GABRA2: variants seen among roughly 807,000 people sequenced by gnomAD.
GABRA2 encodes gamma-aminobutyric acid receptor subunit alpha-2.
In GABRA2, 16 loss-of-function variants were observed where a neutral mutation model predicts 48.7. The ratio of observed to expected loss-of-function variants is 0.33; its 90% confidence interval spans 0.22 to 0.50. The LOEUF is 0.50. Ranked by LOEUF, GABRA2 falls within the 20% of genes least tolerant of loss-of-function variation. The pLI is 0.98. For synonymous variants in GABRA2, 185 were observed against 184.5 expected, an observed-to-expected ratio of 1.00 and a Z score of -0.02; for missense variants, 275 against 535.6, an observed-to-expected ratio of 0.51 and a Z score of 4.80.
intron 7 of GABRA2, among the ~76,000 whole-genome samples, chr4:46,304,613 G>A (rs546241797): frequency 6.6e-6 from 1 of 151,918 alleles, no homozygotes; most frequent in East Asian, 1.9e-4. Flanking sequence ...GAATAGGGGT[G>A]AAAAAATAGA....
intron 8 of GABRA2, among the ~76,000 whole-genome samples, chr4:46,297,105 T>C (rs1258508556): frequency 2.0e-5 from 3 of 152,024 alleles, no homozygotes; most frequent in African/African-American, 7.3e-5. Context: ...TAATACTGAG[T>C]GTCAACTTGA....
In GABRA2 at chr4:46,246,528, C is replaced by T. The variant is rs1467043410; in HGVS notation, c.*3780G>A. On this transcript the variant is annotated 3_prime_UTR_variant, in exon 10 of 10. Coordinates refer to ENST00000381620, the MANE Select transcript of GABRA2 (RefSeq NM_000807.4). ...ACTTTAAATTAATAAAAGGGAAGCA[C>T]GAGGTGCCTATGGGACCTCAATTAA... 3.3e-5 allele frequency among the ~76,000 whole-genome samples: 5 copies of T among 150,950 alleles called. No homozygotes were observed. The highest frequency in any genetic ancestry group is 6.6e-5 in the Admixed American group (1 of 15,080).
intron 9 of GABRA2, chr4:46,256,184 G>C (rs1351969389): frequency 4.7e-6 from 3 of 632,312 alleles, no homozygotes; most frequent in Non-Finnish European, 8.6e-6. Context: ...ACTGAGAAAA[G>C]TGATACTTAC....
intron 3 of GABRA2, among the ~76,000 whole-genome samples, chr4:46,346,641 T>A (rs1734193229): frequency 6.7e-6 from 1 of 149,242 alleles, no homozygotes; most frequent in Non-Finnish European, 1.5e-5. Context: ...ATATTTATTA[T>A]TGTAGTTTTC....
chr4:46,256,415 T>G (rs1241664440), intron 9 of GABRA2: 8 of 480,872 alleles, frequency 1.7e-5, no homozygotes, highest in Non-Finnish European at 2.6e-5. Context: ...TTGCGTTTAT[T>G]GGGAAAAATT....
At chr4:46,389,051 AC>A (rs1366768091) in intron 1 of GABRA2, 1 of 1,046,348 alleles carries the variant, frequency 9.6e-7, no homozygotes, top group Non-Finnish European at 1.2e-6. Context: ...TAATAATAAC[AC>A]CCTGGACTTT....
At chr4:46,271,506 A>G (rs567998408) in intron 8 of GABRA2, among the ~76,000 whole-genome samples, 25 of 151,978 alleles carry the variant, frequency 1.6e-4, no homozygotes, top group African/African-American at 5.3e-4. Context: ...ATACTGTAAA[A>G]GGTTATAATT....
chr4:46,274,327 T>C (rs1720073547), intron 8 of GABRA2, among the ~76,000 whole-genome samples: 2 of 152,202 alleles, frequency 1.3e-5, no homozygotes, highest in South Asian at 4.1e-4. Context: ...ACTGCTAAAT[T>C]ATATTGCTGA....
intron 9 of GABRA2, among the ~76,000 whole-genome samples, chr4:46,258,266 G>T (rs1294158211): frequency 6.6e-6 from 1 of 151,748 alleles, no homozygotes; most frequent in Non-Finnish European, 1.5e-5. Flanking sequence ...AACAAAAATG[G>T]TCATTGTCAT....
intron 7 of GABRA2, among the ~76,000 whole-genome samples, chr4:46,304,012 A>G (rs188636057): frequency 1.3e-5 from 2 of 152,208 alleles, no homozygotes; most frequent in African/African-American, 4.8e-5. Flanking sequence ...GCACTCAAAA[A>G]GGTTTTTTTG....
intron 8 of GABRA2, among the ~76,000 whole-genome samples, chr4:46,285,995 A>G (rs1722479702): frequency 6.6e-6 from 1 of 152,102 alleles, no homozygotes; most frequent in Non-Finnish European, 1.5e-5. Context: ...AACTTATAAA[A>G]TTCAATGCCA....
chr4:46,303,056 C>A (rs1415883453), intron 8 of GABRA2: 1 of 170,950 alleles, frequency 5.8e-6, no homozygotes, highest in Non-Finnish European at 1.2e-5. Context: ...TAAGGCAGGC[C>A]CCATGCCTTA....
chr4:46,266,191 C>A (rs981019355), intron 8 of GABRA2, among the ~76,000 whole-genome samples: 2 of 150,888 alleles, frequency 1.3e-5, no homozygotes, highest in East Asian at 3.9e-4. Flanking sequence ...TTCAAGTCTT[C>A]TACATTTTGC....
intron 9 of GABRA2, among the ~76,000 whole-genome samples, chr4:46,252,838 T>C (rs987258668): frequency 2.0e-5 from 3 of 151,498 alleles, no homozygotes; most frequent in Non-Finnish European, 4.4e-5. Context: ...CCTTAATGTT[T>C]TTCTTCAGCT....
intron 3 of GABRA2, among the ~76,000 whole-genome samples, chr4:46,362,389 C>A (rs1288478945): frequency 6.6e-6 from 1 of 152,132 alleles, no homozygotes; most frequent in African/African-American, 2.4e-5. Context: ...GCCTCCCCAG[C>A]CACGTGGAAC....
intron 8 of GABRA2, among the ~76,000 whole-genome samples, chr4:46,271,964 G>GT (rs1719423670): frequency 6.6e-6 from 1 of 151,762 alleles, no homozygotes. Context: ...TTGTTTACCT[G>GT]TTTTTTATTT....
intron 3 of GABRA2, among the ~76,000 whole-genome samples, chr4:46,378,085 G>T (rs1716189413): frequency 6.6e-6 from 1 of 152,036 alleles, no homozygotes; most frequent in South Asian, 2.1e-4. Flanking sequence ...GAGGTGAGGG[G>T]CGCCTCTGCC....
At chr4:46,324,945 C>T (rs748648875) in intron 4 of GABRA2, among the ~76,000 whole-genome samples, 9 of 151,940 alleles carry the variant, frequency 5.9e-5, no homozygotes, top group Non-Finnish European at 8.8e-5. Context: ...ACACAGACCG[C>T]ATTTTCTTTA....
chr4:46,355,898 C>T (rs1735881860), intron 3 of GABRA2, among the ~76,000 whole-genome samples: 1 of 152,106 alleles, frequency 6.6e-6, no homozygotes, highest in African/African-American at 2.4e-5. Context: ...TACTAGACCA[C>T]TTGAAACAAA....
Sources: gnomAD v4.1 joint callset for allele counts (sites outside exome capture counted in the v4.1 genomes callset) on GRCh38, gnomAD v4.1.1 for gene constraint, MANE v1.5 for transcripts, NCBI Gene and HGNC (gene_info 2026-07-23, HGNC 2026-07-21) for gene names.